The following SIN3A variants were observed in gnomAD, a reference collection of about 807,000 sequenced individuals.
SIN3A encodes the protein SIN3 transcription regulator family member A.
In SIN3A, 14 loss-of-function variants were observed where a neutral mutation model predicts 146.1. That is an observed-to-expected ratio of 0.10 (90% CI 0.06 to 0.15). The LOEUF (loss-of-function observed/expected upper bound fraction) is 0.15. Ranked by LOEUF, SIN3A falls within the 10% of genes least tolerant of loss-of-function variation. SIN3A has a pLI of 1.00. For synonymous variants in SIN3A, 572 were observed against 572.0 expected (o/e 1.00, Z 0.00); for missense variants, 1,028 against 1,576.0 (o/e 0.65, Z 5.89).
At chr15:75,398,915 T>G (rs1306080244) in intron 12 of SIN3A, among the ~76,000 whole-genome samples, 6 of 151,842 alleles carry the variant, frequency 4.0e-5, no homozygotes, top group Non-Finnish European at 4.4e-5. Flanking sequence ...AAATACCTAA[T>G]GCATGTGGGG....
chr15:75,411,409 G>A (rs979884809), intron 6 of SIN3A, 83 bp downstream of exon 6: 2 of 1,325,074 alleles, frequency 1.5e-6, no homozygotes, highest in African/African-American at 1.5e-5. Flanking sequence ...TGAATTAATG[G>A]ACACAATAAT....
chr15:75,395,432 G>A (rs1225000082), intron 13 of SIN3A, among the ~76,000 whole-genome samples: 1 of 152,150 alleles, frequency 6.6e-6, no homozygotes, highest in African/African-American at 2.4e-5. Flanking sequence ...GCTCTTGAGG[G>A]GAAGATGAGG....
At chr15:75,405,497 G>C (rs914662909) in intron 9 of SIN3A, among the ~76,000 whole-genome samples, 2 of 151,944 alleles carry the variant, frequency 1.3e-5, no homozygotes, top group Non-Finnish European at 2.9e-5. Context: ...GCTCACACCT[G>C]TAATCCCAGC....
chr15:75,430,783 C>CT (rs200576358), intron 1 of SIN3A, among the ~76,000 whole-genome samples: 1,705 of 147,224 alleles, frequency 0.012, 35 homozygotes, highest in East Asian at 0.11. Flanking sequence ...AGTGCTTCTT[C>CT]TTTTTTTTTT....
At chr15:75,432,964 C>T (rs1796323857) in intron 1 of SIN3A, among the ~76,000 whole-genome samples, 1 of 152,048 alleles carries the variant, frequency 6.6e-6, no homozygotes, top group East Asian at 1.9e-4. Context: ...ATCGCTTGAA[C>T]CTGGGAGGCG....
Position 75,392,299 on chromosome 15 carries a change from C to T in SIN3A, c.2794G>A (p.Gly932Ser), listed in dbSNP as rs2073220531. 2.5e-6 allele frequency: 4 copies of T among 1,614,042 alleles called. No homozygotes were observed. The African/African-American group carries it at 5.3e-5, about 22-fold the overall frequency. Residue 932 changes from glycine to serine, a missense_variant, in exon 15 of 21, where the codon GGC becomes AGC. This residue lies in a region of SIN3A where 488 missense variants were observed against 690.2 expected (regional missense o/e 0.71). Transcript: ENST00000394947. Reference sequence around the variant, plus strand: ...CTGTCACTCTTGTCTCGCTTTATGCCCAGCACTTCCCGTTCCCATTCTCTC... The same window carrying T: ...CTGTCACTCTTGTCTCGCTTTATGCTCAGCACTTCCCGTTCCCATTCTCTC... ...REREWEREVL[G>S]IKRDKSDSPA...
chr15:75,414,144 C>G (rs1192170308), intron 4 of SIN3A, 61 bp downstream of exon 4: 9 of 814,298 alleles, frequency 1.1e-5, no homozygotes, highest in South Asian at 3.2e-5. Context: ...AAACTATATC[C>G]TCTTCCTTCC....
At chr15:75,379,575 G>A (rs1177554089) in intron 19 of SIN3A, among the ~76,000 whole-genome samples, 1 of 152,214 alleles carries the variant, frequency 6.6e-6, no homozygotes, top group Non-Finnish European at 1.5e-5. Flanking sequence ...ACCTGACACA[G>A]AGCAACTGCT....
intron 3 of SIN3A, chr15:75,419,377 TATCA>T (rs1436335932): frequency 6.6e-6 from 1 of 152,112 alleles, no homozygotes; most frequent in African/African-American, 2.4e-5. Flanking sequence ...AAAGAACAGT[TATCA>T]ATAAGACATG....
chr15:75,426,859 G>A (rs957171254), intron 2 of SIN3A, among the ~76,000 whole-genome samples: 15 of 151,544 alleles, frequency 9.9e-5, no homozygotes, highest in African/African-American at 3.2e-4. Flanking sequence ...TTGAGCCCAG[G>A]AGGTGAAGGG....
chr15:75,382,147 T>C (rs1435412055), intron 17 of SIN3A, among the ~76,000 whole-genome samples: 1 of 152,222 alleles, frequency 6.6e-6, no homozygotes, highest in Non-Finnish European at 1.5e-5. Flanking sequence ...GAATTTTTTA[T>C]TTCAACCTTC....
chr15:75,413,166 G>A (rs2073674792), intron 4 of SIN3A, 121 bp from the exon 5 acceptor site: 1 of 900,422 alleles, frequency 1.1e-6, no homozygotes, highest in Middle Eastern at 3.4e-4. Flanking sequence ...AGGCTGGACT[G>A]CAATGGTGCA....
Position 75,389,644 on chromosome 15 carries a change from G to A in SIN3A, c.3021+8C>T, listed in dbSNP as rs760922341. 23 of 1,613,798 alleles carry A rather than the reference G, an allele frequency of 1.4e-5. No homozygotes were observed. The East Asian group carries it at 1.6e-4, about 11-fold the overall frequency. Reference sequence around the variant, plus strand: ...CCTTACTCACCCTAGCCTCCTCCATGCCCTCACCTGTCTGACAATGCTCTG... The same window carrying A: ...CCTTACTCACCCTAGCCTCCTCCATACCCTCACCTGTCTGACAATGCTCTG... On this transcript the variant is annotated splice_region_variant and intron_variant, in intron 16 of 20. Transcript: ENST00000394947.
chr15:75,410,496 T>C (rs908043059), intron 6 of SIN3A, among the ~76,000 whole-genome samples: 1 of 151,802 alleles, frequency 6.6e-6, no homozygotes, highest in African/African-American at 2.4e-5. Context: ...ACTAGGGTAG[T>C]AAATATTTTT....
At chr15:75,428,133 G>C (rs1347662807) in intron 2 of SIN3A, among the ~76,000 whole-genome samples, 1 of 152,142 alleles carries the variant, frequency 6.6e-6, no homozygotes, top group Non-Finnish European at 1.5e-5. Flanking sequence ...ACATAGAACA[G>C]GAATATACAA....
chr15:75,373,112 T>C (rs547309913), intron 20 of SIN3A, among the ~76,000 whole-genome samples: 11 of 152,256 alleles, frequency 7.2e-5, no homozygotes, highest in Middle Eastern at 3.4e-3. Flanking sequence ...AATAAAAATT[T>C]ATTGGTGTCC....
intron 2 of SIN3A, among the ~76,000 whole-genome samples, chr15:75,423,679 AAAAC>A (rs988043646): frequency 2.6e-5 from 4 of 152,034 alleles, no homozygotes; most frequent in African/African-American, 7.2e-5. Context: ...CTCCATCTCA[AAAAC>A]AAACAAACAA....
chr15:75,443,873 T>G (rs968336057), intron 1 of SIN3A, among the ~76,000 whole-genome samples: 4 of 152,218 alleles, frequency 2.6e-5, no homozygotes, highest in African/African-American at 9.6e-5. Flanking sequence ...ATCATACCAC[T>G]GCCCTTCGGC....
chr15:75,436,918 G>C (rs375741932), intron 1 of SIN3A, among the ~76,000 whole-genome samples: 1 of 152,172 alleles, frequency 6.6e-6, no homozygotes, highest in Non-Finnish European at 1.5e-5. Flanking sequence ...AGATGAATTA[G>C]AACACAGGGG....
Sources: gnomAD v4.1 joint callset for allele counts (sites outside exome capture counted in the v4.1 genomes callset) on GRCh38, gnomAD v4.1.1 for gene constraint, gnomAD v4.1.1 regional missense constraint, MANE v1.5 for transcripts, NCBI Gene and HGNC (gene_info 2026-07-23, HGNC 2026-07-21) for gene names.